Variants in MACROD2 observed in about 807,000 individuals in gnomAD.
The protein encoded by MACROD2 is mono-ADP ribosylhydrolase 2, also known as ADP-ribose glycohydrolase MACROD2.
Under a neutral mutation model 70.4 loss-of-function variants are expected in MACROD2, and 36 were observed. The observed-to-expected ratio is 0.51, with a 90% CI of 0.39 to 0.68. The LOEUF is 0.68. MACROD2 is among the 30% of genes least tolerant of loss of function. The probability of loss-of-function intolerance (pLI) is 0.00; values close to 1 mark genes in which losing one functional copy is unlikely to be tolerated. For synonymous variants in MACROD2, 172 were observed against 178.8 expected (o/e 0.96, Z 0.30); for missense variants, 496 against 538.4 (o/e 0.92, Z 0.78).
intron 6 of MACROD2, among the ~76,000 whole-genome samples, chr20:15,349,807 A>G (rs370658761): frequency 1.9e-4 from 28 of 151,344 alleles, no homozygotes; most frequent in East Asian, 1.4e-3. Flanking sequence ...ATGGATCTTA[A>G]TTATGGAGAA....
At chr20:15,432,056 CT>C (rs985742767) in intron 7 of MACROD2, among the ~76,000 whole-genome samples, 3 of 151,890 alleles carry the variant, frequency 2.0e-5, no homozygotes, top group Non-Finnish European at 4.4e-5. Context: ...CCTACAAGAA[CT>C]TTTTTATACT....
At chr20:14,815,901 T>C (rs2072768799) in intron 5 of MACROD2, among the ~76,000 whole-genome samples, 1 of 152,076 alleles carries the variant, frequency 6.6e-6, no homozygotes, top group Non-Finnish European at 1.5e-5. Context: ...AAGTTGGTCA[T>C]TGTTTCTAAA....
At chr20:15,477,098 A>ATTTTTT (rs769382441) in intron 7 of MACROD2, among the ~76,000 whole-genome samples, 1 of 69,756 alleles carries the variant, frequency 1.4e-5, no homozygotes, top group Non-Finnish European at 2.8e-5. Flanking sequence ...CTCTATTTTT[A>ATTTTTT]GTTTTTTTTT....
intron 5 of MACROD2, among the ~76,000 whole-genome samples, chr20:14,898,969 G>A (rs774364065): frequency 9.2e-5 from 14 of 152,038 alleles, no homozygotes; most frequent in Non-Finnish European, 1.9e-4. Flanking sequence ...TTTTTTTCTA[G>A]TATTTTTCTC....
chr20:14,891,605 A>T (rs1337470801), intron 5 of MACROD2, among the ~76,000 whole-genome samples: 2 of 152,190 alleles, frequency 1.3e-5, no homozygotes, highest in Non-Finnish European at 2.9e-5. Flanking sequence ...ATTCTGTCTG[A>T]TCCTGCCTTC....
At chr20:15,066,059 A>C (rs185439498) in intron 5 of MACROD2, among the ~76,000 whole-genome samples, 2 of 151,110 alleles carry the variant, frequency 1.3e-5, no homozygotes, top group African/African-American at 2.4e-5. Flanking sequence ...CAGTGTTCTC[A>C]TGTTAGAGGT....
At chr20:14,049,189 AC>A (rs1264462102) in intron 2 of MACROD2, among the ~76,000 whole-genome samples, 7 of 150,770 alleles carry the variant, frequency 4.6e-5, no homozygotes, top group Admixed American at 6.6e-5. Context: ...AAAAAAAAAA[AC>A]AAAAAAACAA....
intron 5 of MACROD2, among the ~76,000 whole-genome samples, chr20:15,107,417 G>T (rs1040549611): frequency 3.3e-5 from 5 of 151,400 alleles, no homozygotes; most frequent in African/African-American, 1.2e-4. Context: ...GCTAAAACTG[G>T]GTTTGCAAAA....
At chr20:14,852,664 C>T (rs986104642) in intron 5 of MACROD2, among the ~76,000 whole-genome samples, 1 of 152,052 alleles carries the variant, frequency 6.6e-6, no homozygotes, top group African/African-American at 2.4e-5. Flanking sequence ...GTCACAGGAC[C>T]CCTGCACCTT....
intron 5 of MACROD2, among the ~76,000 whole-genome samples, chr20:14,701,667 A>C (rs1225811051): frequency 6.6e-6 from 1 of 152,186 alleles, no homozygotes; most frequent in East Asian, 1.9e-4. Flanking sequence ...TGCAGATGAG[A>C]GTCCGTGCAA....
chr20:14,286,470 G>A (rs140772752), intron 3 of MACROD2, among the ~76,000 whole-genome samples: 5 of 152,108 alleles, frequency 3.3e-5, no homozygotes, highest in South Asian at 4.2e-4. Flanking sequence ...GCCAACAACC[G>A]AAATCCATTA....
In MACROD2 at chr20:15,435,087, G is replaced by A. The variant is rs192401940; in HGVS notation, c.571+3652G>A. 5.3e-4 allele frequency among the ~76,000 whole-genome samples: 80 copies of A among 152,158 alleles called. 1 individual carries two copies. Among genetic ancestry groups the A allele is most frequent in the African/African-American group, 1.7e-3 (72 of 41,522 alleles). ...TGGATGCAGTGTACACTGCTTGGGT[G>A]ACAGGTACGCCAATATCTCAGAAAT... On this transcript the variant is annotated intron_variant, in intron 7 of 17. Transcript: ENST00000684519.
At chr20:15,305,375 G>C (rs2077687760) in intron 6 of MACROD2, among the ~76,000 whole-genome samples, 1 of 151,968 alleles carries the variant, frequency 6.6e-6, no homozygotes, top group South Asian at 2.1e-4. Context: ...GAATTATCTG[G>C]TTATAATTAT....
intron 5 of MACROD2, among the ~76,000 whole-genome samples, chr20:14,776,554 G>A (rs1173727914): frequency 1.3e-5 from 2 of 151,950 alleles, no homozygotes; most frequent in East Asian, 1.9e-4. Context: ...TCAAACATAC[G>A]GGTCAGATTT....
intron 6 of MACROD2, among the ~76,000 whole-genome samples, chr20:15,355,145 A>G (rs539135719): frequency 2.1e-3 from 327 of 152,316 alleles, no homozygotes; most frequent in South Asian, 5.6e-3. Context: ...TGGAGTTGAC[A>G]TCAGACTCCA....
chr20:14,578,071 A>G (rs6105297), intron 4 of MACROD2, among the ~76,000 whole-genome samples: 97,387 of 151,532 alleles, frequency 0.64, 32,854 homozygotes, highest in East Asian at 0.93. Flanking sequence ...CCTTCTTACA[A>G]TTTTACATAG....
intron 5 of MACROD2, among the ~76,000 whole-genome samples, chr20:15,065,527 G>A (rs1195842836): frequency 1.3e-5 from 2 of 151,776 alleles, no homozygotes; most frequent in Non-Finnish European, 1.5e-5. Context: ...CGGTGGCAGC[G>A]GCTGTAGTCC....
At chr20:15,800,632 C>T (rs1293974572) in intron 8 of MACROD2, among the ~76,000 whole-genome samples, 1 of 152,102 alleles carries the variant, frequency 6.6e-6, no homozygotes, top group Non-Finnish European at 1.5e-5. Flanking sequence ...TGCCCGGCCG[C>T]CCCTACTGGG....
intron 12 of MACROD2, among the ~76,000 whole-genome samples, chr20:15,950,893 C>A (rs1022446495): frequency 1.3e-5 from 2 of 152,128 alleles, no homozygotes; most frequent in African/African-American, 2.4e-5. Context: ...GCGTTTCCCA[C>A]GTTAATTAAC....
Sources: allele counts gnomAD v4.1 joint callset (sites outside exome capture counted in the v4.1 genomes callset), GRCh38; gene constraint gnomAD v4.1.1; transcripts MANE v1.5; gene names NCBI Gene and HGNC (gene_info 2026-07-23, HGNC 2026-07-21).